The following CSMD3 variants were observed in gnomAD, a reference collection of about 807,000 sequenced individuals.
CSMD3 encodes the protein CUB and Sushi multiple domains 3.
A neutral mutation model predicts 435.2 loss-of-function variants in CSMD3; 177 were observed. The observed-to-expected ratio is 0.41, with a 90% confidence interval of 0.36 to 0.46. The LOEUF is 0.46. Among genes scored for constraint, CSMD3 ranks in the 20% least tolerant of loss-of-function variants. The probability of loss-of-function intolerance (pLI) is 0.34; values close to 1 mark genes in which losing one functional copy is unlikely to be tolerated. For missense variants in CSMD3, 4,265 were observed against 4,504.6 expected, an observed-to-expected ratio of 0.95 and a Z score of 1.52; for synonymous variants, 1,656 against 1,520.5, an observed-to-expected ratio of 1.09 and a Z score of -2.07.
At chr8:112,423,610 A>C (rs1812743551) in intron 32 of CSMD3, among the ~76,000 whole-genome samples, 1 of 152,080 alleles carries the variant, frequency 6.6e-6, no homozygotes, top group Non-Finnish European at 1.5e-5. Context: ...TGCCTGGCTA[A>C]GTTTTGTATT....
intron 4 of CSMD3, among the ~76,000 whole-genome samples, chr8:113,136,191 C>T (rs1482927310): frequency 6.6e-6 from 1 of 151,738 alleles, no homozygotes; most frequent in Non-Finnish European, 1.5e-5. Flanking sequence ...ACAGAAAATA[C>T]TGAGATGCTA....
At chr8:112,235,095 G>A (rs963365588) in intron 67 of CSMD3, among the ~76,000 whole-genome samples, 1 of 152,148 alleles carries the variant, frequency 6.6e-6, no homozygotes, top group African/African-American at 2.4e-5. Context: ...GCCAAGCATG[G>A]TGGCTCATAC....
At chr8:113,382,841 TG>T (rs2094422669) in intron 1 of CSMD3, among the ~76,000 whole-genome samples, 1 of 151,826 alleles carries the variant, frequency 6.6e-6, no homozygotes, top group African/African-American at 2.4e-5. Context: ...ATTAGCCAGA[TG>T]TGGTGGACCA....
chr8:112,585,064 T>C (rs1358964533), intron 23 of CSMD3, among the ~76,000 whole-genome samples: 1 of 151,606 alleles, frequency 6.6e-6, no homozygotes, highest in African/African-American at 2.4e-5. Flanking sequence ...AAGAATGAGG[T>C]AACATTAAGC....
chr8:113,170,811 G>A (rs2092254489), intron 4 of CSMD3, among the ~76,000 whole-genome samples: 1 of 151,768 alleles, frequency 6.6e-6, no homozygotes, highest in Non-Finnish European at 1.5e-5. Context: ...TACAGCTGAG[G>A]AGAAAAAAAA....
intron 24 of CSMD3, among the ~76,000 whole-genome samples, chr8:112,572,538 T>C (rs1033368249): frequency 2.0e-5 from 3 of 152,116 alleles, no homozygotes; most frequent in East Asian, 1.9e-4. Context: ...CTGTAACCTT[T>C]TTAACTTCTT....
At chr8:112,427,412 A>C (rs1216680455) in intron 32 of CSMD3, among the ~76,000 whole-genome samples, 2 of 152,096 alleles carry the variant, frequency 1.3e-5, no homozygotes, top group African/African-American at 4.8e-5. Flanking sequence ...TGATGTTTTC[A>C]TAAGGGGTTT....
At chr8:113,428,257 T>TATCTATCTATC (rs1554637357) in intron 1 of CSMD3, among the ~76,000 whole-genome samples, 2 of 146,320 alleles carry the variant, frequency 1.4e-5, no homozygotes, top group African/African-American at 5.3e-5. Context: ...TCTATCTATC[T>TATCTATCTATC]ATCTTTCTGT....
At position 113,173,115 on chromosome 8, in the gene CSMD3, A is replaced by C. The variant is rs144592742; in HGVS notation, c.709+607T>G. On this transcript the variant is annotated intron_variant, in intron 4 of 70. Coordinates refer to ENST00000297405, the MANE Select transcript of CSMD3 (RefSeq NM_198123.2). ...AAAGCAAAACAATTTTGACAGCCTA[A>C]TTAAATTTCTAATCATAAACTCCAT... Among the ~76,000 whole-genome samples, 1,400 of 152,278 alleles carry C rather than the reference A, an allele frequency of 9.2e-3. 14 individuals carry two copies. The highest frequency in any genetic ancestry group is 0.032 in the African/African-American group (1,348 of 41,556).
intron 41 of CSMD3, among the ~76,000 whole-genome samples, chr8:112,345,159 C>T (rs12680127): frequency 0.19 from 28,492 of 152,014 alleles, 3,134 homozygotes; most frequent in Middle Eastern, 0.35. Flanking sequence ...TTAGTACAGA[C>T]ATTACAGGAA....
At chr8:113,187,618 G>C (rs992187622) in intron 3 of CSMD3, among the ~76,000 whole-genome samples, 2 of 151,966 alleles carry the variant, frequency 1.3e-5, no homozygotes, top group Admixed American at 1.3e-4. Flanking sequence ...ATTGACAAGA[G>C]AGTCTCAGAA....
intron 8 of CSMD3, among the ~76,000 whole-genome samples, chr8:112,953,090 A>G (rs2083885964): frequency 6.6e-6 from 1 of 151,508 alleles, no homozygotes; most frequent in East Asian, 1.9e-4. Flanking sequence ...ACCATGCAAC[A>G]TGTCAAATAA....
chr8:112,709,242 A>T (rs2076561030), intron 13 of CSMD3, among the ~76,000 whole-genome samples: 1 of 152,138 alleles, frequency 6.6e-6, no homozygotes, highest in South Asian at 2.1e-4. Context: ...ATTCCATTAC[A>T]TAAAAAGTAA....
chr8:113,256,979 A>G (rs974712436), intron 3 of CSMD3, among the ~76,000 whole-genome samples: 7 of 152,204 alleles, frequency 4.6e-5, no homozygotes, highest in African/African-American at 1.4e-4. Context: ...AAGTCTGGAA[A>G]GCCCTGATTT....
At chr8:113,238,108 G>T (rs1180226139) in intron 3 of CSMD3, among the ~76,000 whole-genome samples, 2 of 151,014 alleles carry the variant, frequency 1.3e-5, no homozygotes, top group African/African-American at 4.9e-5. Flanking sequence ...GGGAGTACTG[G>T]CTAGAGTGAT....
At chr8:112,930,786 A>C (rs780222267) in intron 9 of CSMD3, among the ~76,000 whole-genome samples, 1 of 152,102 alleles carries the variant, frequency 6.6e-6, no homozygotes, top group East Asian at 1.9e-4. Context: ...GTGCATAGCA[A>C]CTACCTCATT....
chr8:112,237,046 G>C (rs1471431139), intron 67 of CSMD3, 144 bp downstream of exon 67: 5 of 824,654 alleles, frequency 6.1e-6, no homozygotes, highest in Non-Finnish European at 9.9e-6. Context: ...AGAAAACCTT[G>C]GTTCTGAGTG....
intron 38 of CSMD3, among the ~76,000 whole-genome samples, chr8:112,353,489 A>G (rs1826321109): frequency 6.6e-6 from 1 of 152,210 alleles, no homozygotes; most frequent in South Asian, 2.1e-4. Flanking sequence ...GGAGATAACA[A>G]TGTAATTCAA....
At chr8:113,190,463 G>C (rs1335612478) in intron 3 of CSMD3, among the ~76,000 whole-genome samples, 1 of 151,750 alleles carries the variant, frequency 6.6e-6, no homozygotes, top group East Asian at 1.9e-4. Context: ...TTGATGGAAT[G>C]GCAAGAGTCC....
Sources: gnomAD v4.1 joint callset for allele counts (sites outside exome capture counted in the v4.1 genomes callset) on GRCh38, gnomAD v4.1.1 for gene constraint, MANE v1.5 for transcripts, NCBI Gene and HGNC (gene_info 2026-07-23, HGNC 2026-07-21) for gene names.